PLA2R1: variants seen among roughly 807,000 people sequenced by gnomAD.
The protein encoded by PLA2R1 is secretory phospholipase A2 receptor.
PLA2R1 carries 158 observed loss-of-function variants against 195.9 expected under a neutral mutation model. That is an observed-to-expected ratio of 0.81 (90% CI 0.71 to 0.92). The LOEUF is 0.92. Among genes scored for constraint, PLA2R1 ranks in the 40% least tolerant of loss-of-function variants. The probability of loss-of-function intolerance (pLI) is 0.00; values close to 1 mark genes in which losing one functional copy is unlikely to be tolerated. For synonymous variants in PLA2R1, 586 were observed against 598.2 expected, an observed-to-expected ratio of 0.98 and a Z score of 0.30; for missense variants, 1,626 against 1,764.6, an observed-to-expected ratio of 0.92 and a Z score of 1.41.
At chr2:160,001,196 A>G (rs1691569466) in intron 11 of PLA2R1, among the ~76,000 whole-genome samples, 1 of 152,190 alleles carries the variant, frequency 6.6e-6, no homozygotes, top group South Asian at 2.1e-4. Context: ...TCAAAACTAG[A>G]CAGCAACAGC....
Position 159,933,282 on chromosome 2 carries a change from G to A in PLA2R1, c.*8496C>T, listed in dbSNP as rs967449996. On this transcript the variant is annotated 3_prime_UTR_variant, in exon 30 of 30. Transcript: ENST00000283243. ...TGGCATCCTTCTGCAATTAGAATTC[G>A]TCATTAGGTATTAGAGGAACATGCA... 4 of 152,134 alleles carry A rather than the reference G, an allele frequency of 2.6e-5. No individual in the cohort carries two copies. Among genetic ancestry groups the A allele is most frequent in the South Asian group, 2.1e-4 (1 of 4,828 alleles). 9.4% of individuals were successfully genotyped at this position (152,134 alleles called of 1,614,324 possible).
intron 10 of PLA2R1, among the ~76,000 whole-genome samples, chr2:160,011,868 T>A (rs951242762): frequency 6.6e-6 from 1 of 152,142 alleles, no homozygotes; most frequent in Non-Finnish European, 1.5e-5. Context: ...AGTGCTATAT[T>A]TCAACGGGAG....
At chr2:159,951,783 T>C (rs1242591612) in intron 23 of PLA2R1, among the ~76,000 whole-genome samples, 2 of 152,362 alleles carry the variant, frequency 1.3e-5, no homozygotes, top group Admixed American at 6.5e-5. Flanking sequence ...TGAATTGTTT[T>C]TCAAAAACAT....
At chr2:159,974,252 G>C (rs775688229) in intron 17 of PLA2R1, among the ~76,000 whole-genome samples, 21 of 152,144 alleles carry the variant, frequency 1.4e-4, no homozygotes, top group Non-Finnish European at 2.9e-4. Flanking sequence ...GCAGCACCGT[G>C]TAGGGTTTTT....
Position 160,005,727 on chromosome 2 carries a change from C to T in PLA2R1, c.1759G>A (p.Gly587Arg). ...CCTACTGGCTTCCAAGTGTATTCTC[C>T]CGTATCATTTTGGTCCTGAAGAGCT... ...WIALQDQNDT[G>R]EYTWKPVGQK... Residue 587 changes from glycine (G) to arginine (R), a missense_variant, in exon 11 of 30, where the codon GGA (glycine) becomes AGA (arginine). Transcript: ENST00000283243. The T allele has an allele frequency of 6.2e-7, 1 of 1,613,614 alleles. No individual in the cohort carries two copies. Among genetic ancestry groups the T allele is most frequent in the Non-Finnish European group, 8.5e-7 (1 of 1,179,600 alleles).
At chr2:159,981,040 GCT>G (rs1689911962) in intron 13 of PLA2R1, among the ~76,000 whole-genome samples, 1 of 152,134 alleles carries the variant, frequency 6.6e-6, no homozygotes, top group Admixed American at 6.6e-5. Flanking sequence ...GATGGCATAG[GCT>G]GAAAATCCAT....
chr2:160,021,545 G>A (rs561977802), intron 7 of PLA2R1, among the ~76,000 whole-genome samples: 2 of 152,312 alleles, frequency 1.3e-5, no homozygotes, highest in East Asian at 1.9e-4. Flanking sequence ...CAAATACTGC[G>A]TGTTCTTACT....
chr2:159,987,178 G>C lies in PLA2R1; in HGVS notation c.2015C>G (p.Pro672Arg). 1.2e-6 allele frequency: 2 copies of C among 1,613,772 alleles called. No individual in the cohort carries two copies. Among genetic ancestry groups the C allele is most frequent in the South Asian group, 1.1e-5 (1 of 91,072 alleles). ...CACCTTGAAGCAACTGGCCAGACCA[G>C]GCTCTGACTCCCAGTCCAAATAGCA... The part of the protein sequence containing the change: ...HPCYLDWESE[P>R]GLASCFKVFH... Residue 672 changes from proline (P) to arginine (R), a missense_variant, in exon 12 of 30, where the codon CCT (proline) becomes CGT (arginine). Transcript: ENST00000283243.
chr2:160,022,465 G>A (rs966193872), intron 7 of PLA2R1, among the ~76,000 whole-genome samples, 200 bp downstream of exon 7: 4 of 152,132 alleles, frequency 2.6e-5, no homozygotes, highest in African/African-American at 9.7e-5. Flanking sequence ...TGGCATATAT[G>A]AAGATGTTAC....
chr2:159,973,076 T>C (rs886897756), intron 17 of PLA2R1, among the ~76,000 whole-genome samples: 3 of 152,276 alleles, frequency 2.0e-5, no homozygotes, highest in Non-Finnish European at 2.9e-5. Flanking sequence ...AATATTTAAT[T>C]ACTTATTTGT....
rs1385677806 is a variant in PLA2R1 at position 160,033,018 on chromosome 2, T to A, written c.782A>T (p.Gln261Leu). The change falls in exon 4 of 30, where the codon CAG (glutamine) becomes CTG (leucine). Residue 261 changes from glutamine to leucine, a missense_variant. Gln to Leu is a moderately radical substitution (Grantham distance 113). Transcript: ENST00000283243. The stretch of plus-strand genomic sequence containing the variant: ...ACTTAACAGCGTACCTCCTTGCATC[T>A]GGCATGAAGAATGTGCCTCACTCCA... The part of the protein sequence containing the change: ...LSWSEAHSSC[Q>L]MQGGTLLSIT... 6.2e-7 allele frequency: 1 copy of A among 1,613,608 alleles called. No individual in the cohort carries two copies. Among genetic ancestry groups the A allele is most frequent in the South Asian group, 1.1e-5 (1 of 90,968 alleles).
chr2:160,049,718 C>T (rs1255348547), intron 1 of PLA2R1, among the ~76,000 whole-genome samples: 4 of 152,012 alleles, frequency 2.6e-5, no homozygotes, highest in African/African-American at 7.3e-5. Flanking sequence ...CCCAGCTACT[C>T]GGGAAGCTGA....
chr2:160,058,395 G>A (rs954211370), intron 1 of PLA2R1, among the ~76,000 whole-genome samples: 2 of 152,086 alleles, frequency 1.3e-5, no homozygotes, highest in Non-Finnish European at 2.9e-5. Flanking sequence ...ATTTAGAAGA[G>A]CCTCCCCTGA....
chr2:160,061,938 G>A lies in PLA2R1; in HGVS notation c.109+357C>T, dbSNP rs1695982816. Among the ~76,000 whole-genome samples the A allele has an allele frequency of 2.6e-5, 4 of 152,234 alleles. No homozygotes were observed. The South Asian group carries it at 8.3e-4, about 32-fold the overall frequency. ...ATCATTTATCCGTCCCAAATAAGCAGCTCTCAGAAAGTTTCCGTTTTGAAA... is the reference window on the plus strand; with the variant it reads ...ATCATTTATCCGTCCCAAATAAGCAACTCTCAGAAAGTTTCCGTTTTGAAA... On this transcript the variant is annotated intron_variant, in intron 1 of 29. Coordinates refer to ENST00000283243, the MANE Select transcript of PLA2R1 (RefSeq NM_007366.5).
At chr2:159,963,733 T>A (rs1233669967) in intron 20 of PLA2R1, among the ~76,000 whole-genome samples, 2 of 152,164 alleles carry the variant, frequency 1.3e-5, no homozygotes, top group Admixed American at 1.3e-4. Context: ...TAGCCAGAGT[T>A]GGCAAAGATG....
Position 159,962,361 on chromosome 2 carries a change from G to C in PLA2R1, c.2904+5178C>G, listed in dbSNP as rs191534290. Among the ~76,000 whole-genome samples, 4 of 152,182 alleles carry C rather than the reference G, an allele frequency of 2.6e-5. No homozygotes were observed. In the East Asian group the frequency reaches 7.7e-4, roughly 29 times the overall value. On this transcript the variant is annotated intron_variant, in intron 20 of 29. Coordinates refer to ENST00000283243, the MANE Select transcript of PLA2R1 (RefSeq NM_007366.5). ...ACCACATCAGGCCAGTTAGAATGGC[G>C]ATCATTAAAAAGTCAGGAAACAACA...
chr2:159,992,554 A>C (rs1175334926), intron 11 of PLA2R1, among the ~76,000 whole-genome samples: 2 of 149,992 alleles, frequency 1.3e-5, no homozygotes, highest in African/African-American at 4.9e-5. Context: ...GCTCATGGGT[A>C]GGAAGAATCA....
chr2:159,986,542 C>T (rs1400364875), intron 12 of PLA2R1, among the ~76,000 whole-genome samples: 1 of 152,010 alleles, frequency 6.6e-6, no homozygotes, highest in Non-Finnish European at 1.5e-5. Context: ...GAGCATGGTG[C>T]CCTCCTTCCA....
rs145340460 is a variant in PLA2R1 at position 159,949,648 on chromosome 2, G to T, written c.3669C>A (p.Cys1223Ter). 157 of 1,613,958 alleles carry T rather than the reference G, an allele frequency of 9.7e-5. 1 individual carries two copies. The Middle Eastern group carries it at 1.3e-3, about 14-fold the overall frequency. Residue 1223 changes from cysteine to a stop codon, truncating the protein, a stop_gained, in exon 25 of 30, where the codon TGC becomes TGA. Coordinates refer to ENST00000283243, the MANE Select transcript of PLA2R1 (RefSeq NM_007366.5). LOFTEE classifies it high-confidence loss of function. Reference sequence around the variant, plus strand: ...AAATGGCACCTTGCAGAAATGACTCGCAGGCTGTGCTATGCCAGCGTCCGT... The same window carrying T: ...AAATGGCACCTTGCAGAAATGACTCTCAGGCTGTGCTATGCCAGCGTCCGT... Reference protein sequence around the residue: ...DSNGRWHSTACESFLQGAICH... With the variant: ...DSNGRWHSTA
Sources: allele counts gnomAD v4.1 joint callset (sites outside exome capture counted in the v4.1 genomes callset), GRCh38; gene constraint gnomAD v4.1.1; transcripts MANE v1.5; gene names NCBI Gene and HGNC (gene_info 2026-07-23, HGNC 2026-07-21).